PCDH7: variants seen among roughly 807,000 people sequenced by gnomAD.
PCDH7 encodes protocadherin-7.
A neutral mutation model predicts 58.9 loss-of-function variants in PCDH7; 17 were observed. That is an observed-to-expected ratio of 0.29 (90% confidence interval 0.20 to 0.43). The LOEUF is 0.43. PCDH7 is among the 20% of genes least tolerant of loss of function. The pLI is 1.00. For missense variants in PCDH7, 1,274 were observed against 1,441.0 expected (o/e 0.88, Z 1.88); for synonymous variants, 664 against 616.4 (o/e 1.08, Z -1.14).
chr4:30,864,825 G>A (rs11725568), intron 1 of PCDH7, among the ~76,000 whole-genome samples: 13,549 of 152,002 alleles, frequency 0.089, 763 homozygotes, highest in Non-Finnish European at 0.12. Context: ...GTTTTACAAA[G>A]CACAGTTGAA....
At chr4:31,068,130 AT>A (rs2109248143) in intron 3 of PCDH7, among the ~76,000 whole-genome samples, 1 of 151,938 alleles carries the variant, frequency 6.6e-6, no homozygotes. Context: ...TGGACCTTAA[AT>A]TTTTTTGCAA....
chr4:31,010,250 C>A (rs1753071057), intron 3 of PCDH7, among the ~76,000 whole-genome samples: 1 of 151,834 alleles, frequency 6.6e-6, no homozygotes, highest in Admixed American at 6.6e-5. Context: ...TATTATGGAA[C>A]TTTATTAAGA....
chr4:30,763,647 A>T (rs1720329136), intron 1 of PCDH7, among the ~76,000 whole-genome samples: 1 of 152,124 alleles, frequency 6.6e-6, no homozygotes, highest in South Asian at 2.1e-4. Context: ...GGATTTCAGG[A>T]TCCGTTTTGT....
At chr4:30,902,678 T>A (rs1740382527) in intron 1 of PCDH7, among the ~76,000 whole-genome samples, 1 of 151,908 alleles carries the variant, frequency 6.6e-6, no homozygotes, top group Non-Finnish European at 1.5e-5. Flanking sequence ...TATAAACTTT[T>A]GTGGAAAAAA....
At chr4:30,821,534 C>T (rs1385112453) in intron 1 of PCDH7, among the ~76,000 whole-genome samples, 2 of 152,204 alleles carry the variant, frequency 1.3e-5, no homozygotes, top group Admixed American at 6.5e-5. Flanking sequence ...CTCAAGGTCT[C>T]GTTCAGATGC....
intron 1 of PCDH7, among the ~76,000 whole-genome samples, chr4:30,912,969 CTAAT>C (rs1373455718): frequency 6.6e-6 from 1 of 151,648 alleles, no homozygotes; most frequent in Non-Finnish European, 1.5e-5. Context: ...TGGTTACTTT[CTAAT>C]TAATCTAACC....
At chr4:30,990,313 CTA>C (rs1751364795) in intron 3 of PCDH7, among the ~76,000 whole-genome samples, 1 of 151,874 alleles carries the variant, frequency 6.6e-6, no homozygotes, top group Non-Finnish European at 1.5e-5. Context: ...TAGACACACA[CTA>C]TATATACACA....
chr4:30,995,886 T>C lies in PCDH7; in HGVS notation c.*7+45671T>C, dbSNP rs369930845. On this transcript the variant is annotated intron_variant, in intron 3 of 3. Transcript: ENST00000509759. ...CTCGTGCAAGGACCCTTTGATTACA[T>C]TGAGTCCACCGGGATTATCCAGGAT... is the stretch of plus-strand genomic sequence containing the variant. Among the ~76,000 whole-genome samples, 16 of 152,218 alleles carry C rather than the reference T, an allele frequency of 1.1e-4. No homozygotes were observed. The East Asian group carries it at 1.7e-3, about 17-fold the overall frequency.
chr4:30,873,851 A>G (rs1010193066), intron 1 of PCDH7, among the ~76,000 whole-genome samples: 4 of 151,736 alleles, frequency 2.6e-5, no homozygotes, highest in Non-Finnish European at 1.5e-5. Flanking sequence ...TTATTTATTT[A>G]TTTGTTTATT....
At chr4:31,110,447 A>T (rs1716143083) in intron 3 of PCDH7, among the ~76,000 whole-genome samples, 1 of 152,210 alleles carries the variant, frequency 6.6e-6, no homozygotes, top group South Asian at 2.1e-4. Context: ...CACTTATGGA[A>T]ACTAGGGGTT....
intron 1 of PCDH7, among the ~76,000 whole-genome samples, chr4:30,869,600 A>G (rs1735295454): frequency 6.6e-6 from 1 of 152,166 alleles, no homozygotes; most frequent in Admixed American, 6.5e-5. Flanking sequence ...ATGTCCCTGC[A>G]AAGGACATGA....
intron 3 of PCDH7, among the ~76,000 whole-genome samples, chr4:31,098,958 G>A (rs1560223115): frequency 6.6e-6 from 1 of 152,038 alleles, no homozygotes; most frequent in South Asian, 2.1e-4. Flanking sequence ...TCTTTATTCT[G>A]TGCACACTCC....
At chr4:31,135,440 AG>A (rs1719482595) in intron 3 of PCDH7, among the ~76,000 whole-genome samples, 1 of 152,170 alleles carries the variant, frequency 6.6e-6, no homozygotes. Context: ...CCTAATGTGG[AG>A]TAACCAGGAT....
intron 3 of PCDH7, among the ~76,000 whole-genome samples, chr4:31,065,487 A>G (rs1229765979): frequency 6.6e-6 from 1 of 152,002 alleles, no homozygotes; most frequent in Non-Finnish European, 1.5e-5. Context: ...CATTCAGGGT[A>G]AAATTAATGC....
At position 30,787,566 on chromosome 4, in the gene PCDH7, T is replaced by A. The variant is rs115877099; in HGVS notation, c.70+62970T>A. On this transcript the variant is annotated intron_variant, in intron 1 of 3. Coordinates refer to the PCDH7 transcript ENST00000509759. ...TTTGGGGTTAACTATGTAAGTGTTCTAGGAATGTATGGCCATTATATCAAT... is the reference window on the plus strand; with the variant it reads ...TTTGGGGTTAACTATGTAAGTGTTCAAGGAATGTATGGCCATTATATCAAT... Among the ~76,000 whole-genome samples the A allele has an allele frequency of 3.9e-3, 591 of 152,226 alleles. 7 individuals are homozygous for A. The highest frequency in any genetic ancestry group is 0.013 in the African/African-American group (527 of 41,566).
intron 1 of PCDH7, among the ~76,000 whole-genome samples, chr4:30,746,308 T>G (rs889193915): frequency 9.2e-5 from 14 of 152,108 alleles, no homozygotes; most frequent in African/African-American, 2.9e-4. Context: ...CCACCCTCAG[T>G]GTAAAAGATA....
intron 3 of PCDH7, among the ~76,000 whole-genome samples, chr4:31,119,305 A>T (rs1717365514): frequency 6.6e-6 from 1 of 152,140 alleles, no homozygotes; most frequent in South Asian, 2.1e-4. Flanking sequence ...GCATCTAATT[A>T]ATTGAGCGCA....
At chr4:30,907,437 A>G (rs887108731) in intron 1 of PCDH7, among the ~76,000 whole-genome samples, 19 of 152,214 alleles carry the variant, frequency 1.2e-4, no homozygotes, top group Admixed American at 1.2e-3. Context: ...AAAAGTGGGC[A>G]AAGAATATGA....
At chr4:30,954,019 C>G (rs1747609020) in intron 3 of PCDH7, among the ~76,000 whole-genome samples, 1 of 152,104 alleles carries the variant, frequency 6.6e-6, no homozygotes, top group Non-Finnish European at 1.5e-5. Flanking sequence ...AAAGCAAGAG[C>G]TGTCAGATCT....
Sources: gnomAD v4.1 joint callset for allele counts (sites outside exome capture counted in the v4.1 genomes callset) on GRCh38, gnomAD v4.1.1 for gene constraint, MANE v1.5 for transcripts, NCBI Gene and HGNC (gene_info 2026-07-23, HGNC 2026-07-21) for gene names.